Variants in CNTN3 observed in about 807,000 individuals in gnomAD.
CNTN3 encodes the protein contactin 3.
CNTN3 carries 60 observed loss-of-function variants against 119.1 expected under a neutral mutation model. The observed-to-expected ratio is 0.50, with a 90% CI of 0.41 to 0.62. The LOEUF (loss-of-function observed/expected upper bound fraction) is 0.62, where lower values mean the gene tolerates loss of function less well. Ranked by LOEUF, CNTN3 falls within the 20% of genes least tolerant of loss-of-function variation. CNTN3 has a pLI of 0.00. For missense variants in CNTN3, 1,101 were observed against 1,242.4 expected (o/e 0.89, Z 1.71); for synonymous variants, 450 against 438.7 (o/e 1.03, Z -0.32).
At chr3:74,297,042 C>T (rs7612876) in intron 18 of CNTN3, among the ~76,000 whole-genome samples, 64,494 of 151,846 alleles carry the variant, frequency 0.42, 13,909 homozygotes, top group South Asian at 0.59. Context: ...AGAAACAGAA[C>T]GGGTCCAGAG....
chr3:74,273,669 G>A (rs1039020968), intron 20 of CNTN3, among the ~76,000 whole-genome samples: 7 of 152,150 alleles, frequency 4.6e-5, no homozygotes, highest in Admixed American at 1.3e-4. Flanking sequence ...CTGTGAGTTC[G>A]CTGGGTCCCC....
At chr3:74,510,303 G>C (rs571345762) in intron 2 of CNTN3, among the ~76,000 whole-genome samples, 4 of 152,140 alleles carry the variant, frequency 2.6e-5, no homozygotes, top group Admixed American at 2.0e-4. Context: ...TTCAGTGAAT[G>C]TGTCTATGAC....
chr3:74,552,794 A>G (rs985947388), intron 1 of CNTN3, among the ~76,000 whole-genome samples: 6 of 3,738 alleles, frequency 1.6e-3, no homozygotes, highest in East Asian at 7.1e-3. Context: ...TGATGGTTTT[A>G]TAACTGACAG....
At position 74,390,489 on chromosome 3, in the gene CNTN3, TG is replaced by T. The variant is rs370582519; in HGVS notation, c.455-19091del. Among the ~76,000 whole-genome samples, 828 of 151,306 alleles carry T rather than the reference TG, an allele frequency of 5.5e-3. 2 individuals are homozygous for T. Among genetic ancestry groups the T allele is most frequent in the Non-Finnish European group, 9.7e-3 (655 of 67,856 alleles). Reference sequence around the variant, plus strand: ...GGCCCCAGAAAGCTTTGAGCTGCTTTGGGGGAAAAAAAAAATCAAGAAACAG... The same window carrying T: ...GGCCCCAGAAAGCTTTGAGCTGCTTTGGGGAAAAAAAAAATCAAGAAACAG... On this transcript the variant is annotated intron_variant, in intron 5 of 22. Transcript: ENST00000263665.
chr3:74,292,289 G>T (rs540449664), intron 19 of CNTN3, among the ~76,000 whole-genome samples: 4 of 152,248 alleles, frequency 2.6e-5, no homozygotes, highest in Admixed American at 6.5e-5. Flanking sequence ...AACTGGCCAG[G>T]TGCAGTGGCT....
chr3:74,543,763 T>C (rs1044544886), intron 1 of CNTN3, among the ~76,000 whole-genome samples: 1 of 152,106 alleles, frequency 6.6e-6, no homozygotes, highest in Non-Finnish European at 1.5e-5. Context: ...GGGCCATAAA[T>C]GACTTCACAG....
At chr3:74,585,980 T>G (rs537923421) in intron 1 of CNTN3, among the ~76,000 whole-genome samples, 3 of 152,248 alleles carry the variant, frequency 2.0e-5, no homozygotes, top group Admixed American at 2.0e-4. Flanking sequence ...AAAATTACCA[T>G]GTATCAAGTA....
At chr3:74,378,344 G>T (rs950307208) in intron 5 of CNTN3, among the ~76,000 whole-genome samples, 1 of 152,146 alleles carries the variant, frequency 6.6e-6, no homozygotes, top group Non-Finnish European at 1.5e-5. Context: ...TTAACATTTC[G>T]TTGCATTATC....
chr3:74,401,386 T>A (rs909080550), intron 5 of CNTN3, among the ~76,000 whole-genome samples: 2 of 152,156 alleles, frequency 1.3e-5, no homozygotes, highest in Non-Finnish European at 2.9e-5. Flanking sequence ...ACATTATTTA[T>A]AGAAAATGTT....
chr3:74,266,576 A>G lies in CNTN3; in HGVS notation c.2891T>C (p.Leu964Pro). 1 of 1,613,682 alleles carries G rather than the reference A, an allele frequency of 6.2e-7. No individual in the cohort carries two copies. Residue 964 changes from leucine to proline, a missense_variant, in exon 22 of 23, where the codon CTG (leucine) becomes CCG (proline). By Grantham distance (98) the Leu-to-Pro change is moderately conservative. Coordinates refer to ENST00000263665, the MANE Select transcript of CNTN3 (RefSeq NM_020872.3). ...AATAATGTAGTCCTCTTTAATGGGC[A>G]GCACAAGTTCAGCTGAAGTTTTATT... ...NTNKTSAELV[L>P]PIKEDYIIEV...
intron 1 of CNTN3, among the ~76,000 whole-genome samples, chr3:74,547,798 G>T (rs963857292): frequency 9.2e-5 from 14 of 152,110 alleles, no homozygotes; most frequent in Admixed American, 7.2e-4. Context: ...TTCTCCATAT[G>T]ATAGCTTTTA....
intron 19 of CNTN3, 80 bp downstream of exon 19, chr3:74,295,041 T>G: frequency 1.1e-6 from 1 of 891,816 alleles, no homozygotes; most frequent in South Asian, 2.1e-5. Flanking sequence ...AAATAAGAGG[T>G]CATTGTTAAG....
chr3:74,265,004 A>G (rs1464044492), intron 22 of CNTN3, among the ~76,000 whole-genome samples: 1 of 152,120 alleles, frequency 6.6e-6, no homozygotes, highest in Non-Finnish European at 1.5e-5. Flanking sequence ...AAATGGGAAA[A>G]ACAACTTAAT....
At chr3:74,496,156 C>T (rs527444061) in intron 3 of CNTN3, among the ~76,000 whole-genome samples, 5 of 152,198 alleles carry the variant, frequency 3.3e-5, no homozygotes, top group Admixed American at 3.3e-4. Context: ...GGACAGCAAA[C>T]CTCTAAGTCT....
At chr3:74,479,079 T>A (rs973778315) in intron 4 of CNTN3, among the ~76,000 whole-genome samples, 1 of 152,078 alleles carries the variant, frequency 6.6e-6, no homozygotes, top group African/African-American at 2.4e-5. Flanking sequence ...GAAGAGACTG[T>A]CTGGGGGAGG....
At chr3:74,600,489 C>A (rs1704891783) in intron 1 of CNTN3, among the ~76,000 whole-genome samples, 1 of 152,008 alleles carries the variant, frequency 6.6e-6, no homozygotes, top group African/African-American at 2.4e-5. Context: ...TGTTATTTGA[C>A]CTGAGGCACT....
At chr3:74,333,164 A>G (rs2106704280) in intron 13 of CNTN3, among the ~76,000 whole-genome samples, 1 of 152,386 alleles carries the variant, frequency 6.6e-6, no homozygotes, top group South Asian at 2.1e-4. Context: ...AATAAATGAC[A>G]GAAAATAGAA....
chr3:74,584,085 C>T (rs957098759), intron 1 of CNTN3, among the ~76,000 whole-genome samples: 2 of 152,124 alleles, frequency 1.3e-5, no homozygotes, highest in African/African-American at 4.8e-5. Context: ...TAATAGTAAT[C>T]ACAGCAAAGC....
chr3:74,307,194 T>A lies in CNTN3; in HGVS notation c.1669-4387A>T, dbSNP rs528244195. 1.1e-4 allele frequency among the ~76,000 whole-genome samples: 16 copies of A among 152,254 alleles called. No homozygotes were observed. The South Asian group carries it at 3.1e-3, about 30-fold the overall frequency. ...ATGGGGTGGACAGGGGATAGGGATG[T>A]CAGGGGTAGAGTTAATCCACAAATA... On this transcript the variant is annotated intron_variant, in intron 13 of 22. Coordinates refer to ENST00000263665, the MANE Select transcript of CNTN3 (RefSeq NM_020872.3).
Sources: allele counts gnomAD v4.1 joint callset (sites outside exome capture counted in the v4.1 genomes callset), GRCh38; gene constraint gnomAD v4.1.1; transcripts MANE v1.5; gene names NCBI Gene and HGNC (gene_info 2026-07-23, HGNC 2026-07-21).